The following FCGR2A variants were observed in gnomAD, a reference collection of about 807,000 sequenced individuals.
FCGR2A encodes low affinity immunoglobulin gamma Fc region receptor II-a.
A neutral mutation model predicts 29.3 loss-of-function variants in FCGR2A; 18 were observed. The ratio of observed to expected loss-of-function variants is 0.62; its 90% CI spans 0.43 to 0.91. The LOEUF is 0.91. FCGR2A is among the 40% of genes least tolerant of loss of function. FCGR2A has a pLI of 0.00. For missense variants in FCGR2A, 287 were observed against 393.0 expected, an observed-to-expected ratio of 0.73 and a Z score of 2.28; for synonymous variants, 126 against 144.8, an observed-to-expected ratio of 0.87 and a Z score of 0.93.
rs1675653558 is a variant in FCGR2A at position 161,509,922 on chromosome 1, T to C, written c.467T>C (p.Phe156Ser). 2 of 1,614,158 alleles carry C rather than the reference T, an allele frequency of 1.2e-6. No individual in the cohort carries two copies. Among genetic ancestry groups the C allele is most frequent in the Non-Finnish European group, 1.7e-6 (2 of 1,180,006 alleles). The change falls in exon 4 of 7, where the codon TTC becomes TCC. Residue 156 changes from phenylalanine to serine, a missense_variant. By Grantham distance (155) the Phe-to-Ser change is radical (BLOSUM62 -2). This residue lies in a region of FCGR2A where 181 missense variants were observed against 250.9 expected (regional missense o/e 0.72). Coordinates refer to ENST00000271450, the MANE Select transcript of FCGR2A (RefSeq NM_001136219.3). ...GACAAGCCTCTGGTCAAGGTCACAT[T>C]CTTCCAGAATGGAAAATCCCAGAAA... ...WKDKPLVKVTFFQNGKSQKFS... is the reference protein window; with the variant it reads ...WKDKPLVKVTSFQNGKSQKFS...
intron 5 of FCGR2A, among the ~76,000 whole-genome samples, chr1:161,512,944 G>C (rs995718978): frequency 1.3e-5 from 2 of 152,184 alleles, no homozygotes; most frequent in African/African-American, 4.8e-5. Context: ...CACACTTCAC[G>C]AGGCACTTTT....
At chr1:161,512,741 C>A (rs1305846762) in intron 5 of FCGR2A, among the ~76,000 whole-genome samples, 3 of 152,148 alleles carry the variant, frequency 2.0e-5, no homozygotes, top group African/African-American at 7.2e-5. Context: ...AGAGCAGAGC[C>A]AACAGATTTA....
Position 161,510,414 on chromosome 1 carries a change from C to A in FCGR2A, c.619+340C>A, listed in dbSNP as rs777841477. The A allele has an allele frequency of 1.2e-3, 627 of 528,140 alleles. 2 individuals are homozygous for A. The highest frequency in any genetic ancestry group is 5.3e-3 in the Middle Eastern group (16 of 3,036). The allele number at this position is 528,140 out of a possible 1,614,324, so 32.7% of individuals were successfully genotyped here. A position where few individuals can be genotyped will look rare whatever the true frequency, so the allele number is the denominator to read the frequency against. ...AGCTGAGGTTTGCCTCGTTTCTTCTCATGGCTCATGTTATAGCCATTCACT... is the reference window on the plus strand; with the variant it reads ...AGCTGAGGTTTGCCTCGTTTCTTCTAATGGCTCATGTTATAGCCATTCACT... On this transcript the variant is annotated intron_variant, in intron 4 of 6. Coordinates refer to ENST00000271450, the MANE Select transcript of FCGR2A (RefSeq NM_001136219.3).
chr1:161,522,204 T>A (rs1198059106), downstream of FCGR2A, among the ~76,000 whole-genome samples: 1 of 151,086 alleles, frequency 6.6e-6, no homozygotes, highest in East Asian at 2.0e-4. Context: ...CAGAAAAAAA[T>A]AAAATAAAAA....
chr1:161,510,296 C>G, intron 4 of FCGR2A: 1 of 814,104 alleles, frequency 1.2e-6, no homozygotes, highest in South Asian at 1.7e-5. Flanking sequence ...GCTGTTGTTT[C>G]ACTTTGAAAT....
At chr1:161,510,122 C>T (rs375004817) in intron 4 of FCGR2A, 48 bp downstream of exon 4, 54 of 1,607,254 alleles carry the variant, frequency 3.4e-5, no homozygotes, top group African/African-American at 2.0e-4. Flanking sequence ...AGGGGATGGA[C>T]AAGGGCTGAG....
At position 161,510,043 on chromosome 1, in the gene FCGR2A, C is replaced by T. The variant is rs1157421051; in HGVS notation, c.588C>T (p.Phe196=). 3.1e-6 allele frequency: 5 copies of T among 1,613,986 alleles called. No individual in the cohort carries two copies. The highest frequency in any genetic ancestry group is 3.4e-6 in the Non-Finnish European group (4 of 1,179,874). Residue 196 remains phenylalanine (F), a synonymous_variant, in exon 4 of 7, where the codon TTC becomes TTT. Transcript: ENST00000271450. The stretch of plus-strand genomic sequence containing the variant: ...CAGGAAACATAGGCTACACGCTGTT[C>T]TCATCCAAGCCTGTGACCATCACTG... ...HCTGNIGYTL[F]SSKPVTITVQ...
intron 6 of FCGR2A, 61 bp from the exon 7 acceptor site, chr1:161,517,914 T>G: frequency 8.4e-7 from 1 of 1,196,854 alleles, no homozygotes; most frequent in Non-Finnish European, 1.2e-6. Flanking sequence ...TCCTTATAGT[T>G]ATTGTATTTA....
At chr1:161,513,196 A>G (rs1439168) in intron 5 of FCGR2A, 2,044 of 135,120 alleles carry the variant, frequency 0.015, 10 homozygotes, top group African/African-American at 0.03. Flanking sequence ...TACTGGGGCT[A>G]CTTTTCACAC....
At chr1:161,523,877 C>T (rs976184371), downstream of FCGR2A, 4 of 151,982 alleles carry the variant, frequency 2.6e-5, 1 homozygote, top group African/African-American at 7.3e-5. Flanking sequence ...CCCGGGCCTC[C>T]CGCGTGGCAG....
chr1:161,521,478 C>T (rs931028048), downstream of FCGR2A, among the ~76,000 whole-genome samples: 1 of 138,220 alleles, frequency 7.2e-6, no homozygotes, highest in Non-Finnish European at 1.5e-5. Context: ...CAAGGACAAA[C>T]AGGTAGTGGA....
At chr1:161,507,529 G>A (rs971343444) in intron 3 of FCGR2A, among the ~76,000 whole-genome samples, 2 of 152,228 alleles carry the variant, frequency 1.3e-5, no homozygotes, top group Non-Finnish European at 2.9e-5. Context: ...ATGGTCACAG[G>A]TAAACATTCA....
rs1365123099 is a variant in FCGR2A, at chr1:161,518,788, T to TG, written c.*640_*641insG. On this transcript the variant is annotated 3_prime_UTR_variant, in exon 7 of 7. Coordinates refer to ENST00000271450, the MANE Select transcript of FCGR2A (RefSeq NM_001136219.3). ...CATACCCAGCTAATTTTTGTATTTT[T>TG]TATTTTTTTTTTTTAGTAGAGACAG... 2.6e-5 allele frequency: 4 copies of TG among 155,596 alleles called. No homozygotes were observed. Among genetic ancestry groups the TG allele is most frequent in the African/African-American group, 9.7e-5 (4 of 41,430 alleles). 9.6% of individuals were successfully genotyped at this position (155,596 alleles called of 1,614,324 possible).
At chr1:161,510,466 G>C in intron 4 of FCGR2A, 1 of 458,158 alleles carries the variant, frequency 2.2e-6, no homozygotes, top group Non-Finnish European at 4.0e-6. Flanking sequence ...GTCATGGACT[G>C]TTCAAGGCTG....
At chr1:161,521,590 C>A (rs1438713074), downstream of FCGR2A, among the ~76,000 whole-genome samples, 1 of 151,994 alleles carries the variant, frequency 6.6e-6, no homozygotes, top group Non-Finnish European at 1.5e-5. Context: ...ATCTTGAATT[C>A]CCACAACACA....
Position 161,509,120 on chromosome 1 carries a change from G to C in FCGR2A, c.365-700G>C, listed in dbSNP as rs575642071. Among the ~76,000 whole-genome samples the C allele has an allele frequency of 2.0e-5, 3 of 152,308 alleles. No homozygotes were observed. In the South Asian group the frequency reaches 6.2e-4, roughly 32 times the overall value. ...AAAAGAGGGCCGAGGGAGCTCAAAG[G>C]CCTCTTCCGCCATGTGAGGACACAG... On this transcript the variant is annotated intron_variant, in intron 3 of 6. Transcript: ENST00000271450.
chr1:161,517,563 A>G (rs866732092), intron 6 of FCGR2A, among the ~76,000 whole-genome samples: 1 of 152,214 alleles, frequency 6.6e-6, no homozygotes, highest in African/African-American at 2.4e-5. Context: ...AAGGATGCCA[A>G]TTGAAACTGG....
chr1:161,515,691 C>T (rs1324541962), intron 6 of FCGR2A, among the ~76,000 whole-genome samples: 2 of 152,026 alleles, frequency 1.3e-5, no homozygotes, highest in African/African-American at 2.4e-5. Flanking sequence ...TAATAGTCCT[C>T]TCCACAAATA....
Position 161,505,626 on chromosome 1 carries a change from A to G in FCGR2A, c.85+74A>G. 3 of 1,226,994 alleles carry G rather than the reference A, an allele frequency of 2.4e-6. No homozygotes were observed. In the South Asian group the frequency reaches 3.6e-5, roughly 15 times the overall value. 76.0% of individuals were successfully genotyped at this position (1,226,994 alleles called of 1,614,324 possible). On this transcript the variant is annotated intron_variant, in intron 1 of 6. Coordinates refer to ENST00000271450, the MANE Select transcript of FCGR2A (RefSeq NM_001136219.3). ...CCTGGACTCCAGGTACCAGTGTGGT[A>G]AGGAGCAGGCCTGGGCCCTGGAAGC... is the stretch of plus-strand genomic sequence containing the variant.
Sources: allele counts gnomAD v4.1 joint callset (sites outside exome capture counted in the v4.1 genomes callset), GRCh38; gene constraint gnomAD v4.1.1; regional missense constraint gnomAD v4.1.1; transcripts MANE v1.5; gene names NCBI Gene and HGNC (gene_info 2026-07-23, HGNC 2026-07-21).